SKAP1: variants seen among roughly 807,000 people sequenced by gnomAD.
SKAP1 encodes the protein src kinase associated phosphoprotein 1, also known as src kinase-associated phosphoprotein 1.
SKAP1 carries 44 observed loss-of-function variants against 58.5 expected under a neutral mutation model. The ratio of observed to expected loss-of-function variants is 0.75; its 90% confidence interval spans 0.59 to 0.97. SKAP1 has a LOEUF of 0.97. Among genes scored for constraint, SKAP1 ranks in the 50% least tolerant of loss-of-function variants. The pLI is 0.00. For missense variants in SKAP1, 390 were observed against 435.2 expected (o/e 0.90, Z 0.92); for synonymous variants, 127 against 149.7 (o/e 0.85, Z 1.11).
intron 4 of SKAP1, among the ~76,000 whole-genome samples, chr17:48,293,082 T>A (rs1439574629): frequency 6.6e-6 from 1 of 152,188 alleles, no homozygotes; most frequent in Non-Finnish European, 1.5e-5. Context: ...AATCTACATT[T>A]GAGTTAGATT....
chr17:48,143,189 C>CATTTTTTT (rs2063789779), intron 11 of SKAP1, among the ~76,000 whole-genome samples: 1 of 106,330 alleles, frequency 9.4e-6, no homozygotes, highest in Non-Finnish European at 1.9e-5. Flanking sequence ...AATTCTTTAG[C>CATTTTTTT]TTTTTTTTTT....
intron 4 of SKAP1, among the ~76,000 whole-genome samples, chr17:48,305,606 CCT>C (rs1335029640): frequency 6.6e-6 from 1 of 152,148 alleles, no homozygotes; most frequent in African/African-American, 2.4e-5. Flanking sequence ...TTTCCTGTTC[CCT>C]GAGTTCCAGT....
intron 4 of SKAP1, among the ~76,000 whole-genome samples, chr17:48,272,973 A>G (rs1326966619): frequency 6.6e-6 from 1 of 152,262 alleles, no homozygotes; most frequent in Non-Finnish European, 1.5e-5. Flanking sequence ...ATAGAAAGGC[A>G]ACAAGGATAA....
chr17:48,415,124 T>C, intron 1 of SKAP1, among the ~76,000 whole-genome samples: 1 of 152,328 alleles, frequency 6.6e-6, no homozygotes, highest in Non-Finnish European at 1.5e-5. Context: ...GCAGGATGAA[T>C]GGCCAAATGC....
At chr17:48,210,029 G>A (rs2064852643) in intron 4 of SKAP1, among the ~76,000 whole-genome samples, 1 of 152,194 alleles carries the variant, frequency 6.6e-6, no homozygotes, top group Non-Finnish European at 1.5e-5. Context: ...TCCACAGTGT[G>A]GTAACAAGCT....
chr17:48,237,950 G>A (rs111594807), intron 4 of SKAP1, among the ~76,000 whole-genome samples: 4 of 149,050 alleles, frequency 2.7e-5, no homozygotes, highest in East Asian at 3.9e-4. Flanking sequence ...ATAGAGCCTC[G>A]CTCTGCTTTT....
At chr17:48,423,582 A>T (rs1178607147) in intron 1 of SKAP1, among the ~76,000 whole-genome samples, 2 of 151,742 alleles carry the variant, frequency 1.3e-5, no homozygotes, top group Non-Finnish European at 2.9e-5. Flanking sequence ...TGAGGAACCA[A>T]CTTTTTTTTT....
chr17:48,373,732 C>T (rs2067117325), intron 2 of SKAP1, among the ~76,000 whole-genome samples: 1 of 151,924 alleles, frequency 6.6e-6, no homozygotes. Flanking sequence ...GTCTATAGAC[C>T]TCATTAGTGT....
At chr17:48,331,601 A>G (rs935746131) in intron 4 of SKAP1, among the ~76,000 whole-genome samples, 4 of 152,110 alleles carry the variant, frequency 2.6e-5, no homozygotes, top group African/African-American at 9.7e-5. Context: ...CAAAAGGCTG[A>G]GGCAGGAGAA....
intron 4 of SKAP1, among the ~76,000 whole-genome samples, chr17:48,233,564 A>G (rs982551222): frequency 6.6e-6 from 1 of 150,812 alleles, no homozygotes; most frequent in African/African-American, 2.5e-5. Flanking sequence ...TGGGTAAAAT[A>G]AGATTACTGG....
upstream of SKAP1, among the ~76,000 whole-genome samples, chr17:48,433,991 C>A (rs543484620): frequency 2.0e-4 from 31 of 152,320 alleles, no homozygotes; most frequent in Admixed American, 3.3e-4. Flanking sequence ...TGGCTGGCAC[C>A]GCTCTGCCCT....
chr17:48,205,037 T>TTCTTTCTC (rs1567820039), intron 4 of SKAP1, among the ~76,000 whole-genome samples: 31 of 55,802 alleles, frequency 5.6e-4, no homozygotes, highest in East Asian at 1.7e-3. Context: ...CTTTCTTTCT[T>TTCTTTCTC]TCTCTCTCTC....
intron 2 of SKAP1, among the ~76,000 whole-genome samples, chr17:48,367,344 CT>C (rs1303333232): frequency 6.6e-6 from 1 of 151,568 alleles, no homozygotes; most frequent in Non-Finnish European, 1.5e-5. Flanking sequence ...TTCTGAGGAT[CT>C]AATGTACAGC....
At chr17:48,188,958 CCA>C (rs2064497999) in intron 5 of SKAP1, among the ~76,000 whole-genome samples, 1 of 152,082 alleles carries the variant, frequency 6.6e-6, no homozygotes, top group Non-Finnish European at 1.5e-5. Context: ...AGGTTCACAC[CCA>C]CTGCACTACA....
At chr17:48,380,809 T>C (rs903951196) in intron 2 of SKAP1, among the ~76,000 whole-genome samples, 1 of 152,248 alleles carries the variant, frequency 6.6e-6, no homozygotes, top group African/African-American at 2.4e-5. Context: ...GAAAGTTGTC[T>C]GGGCCAGCTT....
chr17:48,397,836 C>G (rs1301708524), intron 1 of SKAP1, among the ~76,000 whole-genome samples: 1 of 151,880 alleles, frequency 6.6e-6, no homozygotes, highest in African/African-American at 2.4e-5. Flanking sequence ...TAATATGAAA[C>G]AAATCATGTT....
At chr17:48,296,033 C>G (rs2065965549) in intron 4 of SKAP1, among the ~76,000 whole-genome samples, 1 of 151,880 alleles carries the variant, frequency 6.6e-6, no homozygotes. Flanking sequence ...AACAATACAC[C>G]TTTTCTAGGC....
intron 4 of SKAP1, among the ~76,000 whole-genome samples, chr17:48,272,412 G>A (rs555576232): frequency 1.3e-5 from 2 of 152,068 alleles, no homozygotes; most frequent in Admixed American, 6.5e-5. Context: ...GATTACAGGC[G>A]TGAGACATCG....
In SKAP1 at chr17:48,187,865, G is replaced by T; in HGVS notation, c.420C>A (p.Phe140Leu). The change falls in exon 6 of 13, where the codon TTC becomes TTA. Residue 140 changes from phenylalanine to leucine, a missense_variant. Coordinates refer to ENST00000336915, the MANE Select transcript of SKAP1 (RefSeq NM_003726.4). Reference sequence around the variant, plus strand: ...TACTCTTCTCATTAGCATAGTAGTAGAAGAGACCTCTGCTGACAACACACC... The same window carrying T: ...TACTCTTCTCATTAGCATAGTAGTATAAGAGACCTCTGCTGACAACACACC... ...KRWCVVSRGL[F>L]YYYANEKSKQ... is the part of the protein sequence containing the mutation. 6.2e-7 allele frequency: 1 copy of T among 1,613,140 alleles called. No homozygotes were observed. Among genetic ancestry groups the T allele is most frequent in the Non-Finnish European group, 8.5e-7 (1 of 1,179,112 alleles).
Sources: allele counts gnomAD v4.1 joint callset (sites outside exome capture counted in the v4.1 genomes callset), GRCh38; gene constraint gnomAD v4.1.1; transcripts MANE v1.5; gene names NCBI Gene and HGNC (gene_info 2026-07-23, HGNC 2026-07-21).